The following PRKCE variants were observed in gnomAD, a reference collection of about 807,000 sequenced individuals.
PRKCE encodes the protein protein kinase C epsilon type.
PRKCE carries 16 observed loss-of-function variants against 85.4 expected under a neutral mutation model. That is an observed-to-expected ratio of 0.19 (90% confidence interval 0.13 to 0.28). The LOEUF is 0.28. Among genes scored for constraint, PRKCE ranks in the 10% least tolerant of loss-of-function variants. The pLI is 1.00. For missense variants in PRKCE, 573 were observed against 975.2 expected, an observed-to-expected ratio of 0.59 and a Z score of 5.49; for synonymous variants, 388 against 371.5, an observed-to-expected ratio of 1.04 and a Z score of -0.51.
At chr2:45,956,336 C>G (rs1222656508) in intron 2 of PRKCE, among the ~76,000 whole-genome samples, 2 of 152,004 alleles carry the variant, frequency 1.3e-5, no homozygotes, top group South Asian at 4.2e-4. Flanking sequence ...GAATAAATAT[C>G]TGGAAGTAAG....
At chr2:46,174,785 A>G (rs1216467885) in intron 14 of PRKCE, among the ~76,000 whole-genome samples, 9 of 151,930 alleles carry the variant, frequency 5.9e-5, no homozygotes, top group Admixed American at 5.9e-4. Context: ...TACCTCCTGG[A>G]CTCAAGCCAA....
chr2:45,884,545 G>T (rs986072390), intron 2 of PRKCE, among the ~76,000 whole-genome samples: 3 of 152,048 alleles, frequency 2.0e-5, no homozygotes, highest in Admixed American at 6.5e-5. Context: ...GTCTTGTCTC[G>T]ACACCTACGA....
chr2:46,092,564 A>G (rs1457621013), intron 11 of PRKCE, among the ~76,000 whole-genome samples: 2 of 152,230 alleles, frequency 1.3e-5, no homozygotes, highest in African/African-American at 4.8e-5. Context: ...AAGAATCAAG[A>G]GCAAGGAACA....
chr2:45,706,464 G>A (rs763426037), intron 1 of PRKCE, among the ~76,000 whole-genome samples: 2 of 152,112 alleles, frequency 1.3e-5, no homozygotes, highest in East Asian at 3.8e-4. Flanking sequence ...CTCCCAGGTC[G>A]GAGGAACTTG....
chr2:45,991,341 T>C (rs35979078), intron 6 of PRKCE, among the ~76,000 whole-genome samples: 28,964 of 151,698 alleles, frequency 0.19, 3,100 homozygotes, highest in African/African-American at 0.29. Flanking sequence ...CCAATCCAAA[T>C]ACAAGGTCCA....
At chr2:45,782,317 A>C (rs1485155017) in intron 1 of PRKCE, among the ~76,000 whole-genome samples, 2 of 152,130 alleles carry the variant, frequency 1.3e-5, no homozygotes, top group Admixed American at 1.3e-4. Flanking sequence ...GGGAGGCAGT[A>C]TGGTGTCACA....
chr2:45,852,241 G>T (rs1692327001), intron 2 of PRKCE, among the ~76,000 whole-genome samples: 1 of 152,186 alleles, frequency 6.6e-6, no homozygotes. Flanking sequence ...ATTGAAAATA[G>T]TGGTGATGTT....
intron 2 of PRKCE, chr2:45,851,802 T>A (rs1692284893): frequency 6.6e-6 from 1 of 152,148 alleles, no homozygotes; most frequent in Non-Finnish European, 1.5e-5. Flanking sequence ...CAAAGAATGC[T>A]CTCCGTTCAT....
chr2:45,662,093 C>G (rs1023369808), intron 1 of PRKCE, among the ~76,000 whole-genome samples: 2 of 152,124 alleles, frequency 1.3e-5, no homozygotes, highest in African/African-American at 4.8e-5. Flanking sequence ...ATCAGACTGA[C>G]TGAGTCTGTG....
chr2:45,652,301 C>A lies in PRKCE; in HGVS notation c.201C>A (p.Asp67Glu), dbSNP rs370692952. The A allele has an allele frequency of 6.2e-7, 1 of 1,613,708 alleles. No individual in the cohort carries two copies. Among genetic ancestry groups the A allele is most frequent in the East Asian group, 2.2e-5 (1 of 44,818 alleles). ...KQKTNSPAWHDEFVTDVCNGR... is the reference protein window; with the variant it reads ...KQKTNSPAWHEEFVTDVCNGR... ...AGACCAACAGCCCGGCCTGGCACGA[C>A]GAGTTCGTCACCGATGTGTGCAACG... Residue 67 changes from aspartate (D) to glutamate (E), a missense_variant, in exon 1 of 15, where the codon GAC (aspartate) becomes GAA (glutamate). Transcript: ENST00000306156. The surrounding 1 kb of genome is among the most constrained non-coding windows in gnomAD (Gnocchi z 7.7).
chr2:46,037,201 C>T (rs998539840), intron 10 of PRKCE, among the ~76,000 whole-genome samples: 1 of 152,228 alleles, frequency 6.6e-6, no homozygotes, highest in Non-Finnish European at 1.5e-5. Flanking sequence ...AATTCTCTTT[C>T]CGCCTTTCTG....
chr2:46,002,221 G>C (rs61756881), intron 7 of PRKCE, among the ~76,000 whole-genome samples: 197 of 152,330 alleles, frequency 1.3e-3, no homozygotes, highest in African/African-American at 4.6e-3. Context: ...CTTTAGCCCT[G>C]GCTCCTAGCC....
chr2:45,968,864 G>A (rs1189906657), intron 2 of PRKCE, among the ~76,000 whole-genome samples: 1 of 151,954 alleles, frequency 6.6e-6, no homozygotes, highest in Non-Finnish European at 1.5e-5. Flanking sequence ...GGTGCCAGGG[G>A]CCATCTCTCC....
In PRKCE at chr2:45,881,571, A is replaced by G. The variant is rs752522807; in HGVS notation, c.412+38508A>G. Among the ~76,000 whole-genome samples, 25 of 152,228 alleles carry G rather than the reference A, an allele frequency of 1.6e-4. 1 individual carries two copies. The highest frequency in any genetic ancestry group is 4.6e-4 in the Admixed American group (7 of 15,286). ...AAATCATATAAAAGCCAACTCTTAC[A>G]TAGTGCTTACTATTCCCCAAGAAGG... On this transcript the variant is annotated intron_variant, in intron 2 of 14. Transcript: ENST00000306156.
chr2:45,659,878 C>A lies in PRKCE; in HGVS notation c.348+7430C>A, dbSNP rs1486286324. Among the ~76,000 whole-genome samples, 3 of 149,486 alleles carry A rather than the reference C, an allele frequency of 2.0e-5. No individual in the cohort carries two copies. The East Asian group carries it at 5.8e-4, about 29-fold the overall frequency. The stretch of plus-strand genomic sequence containing the variant: ...TCTTTACTCTTACCTCTATCTGATA[C>A]GCTATTTAGTTTTCTTATTTATCTT... On this transcript the variant is annotated intron_variant, in intron 1 of 14. Transcript: ENST00000306156.
chr2:46,018,351 C>T (rs1052227173), intron 10 of PRKCE, among the ~76,000 whole-genome samples: 12 of 152,230 alleles, frequency 7.9e-5, no homozygotes, highest in Middle Eastern at 3.4e-3. Context: ...GTAGGAGTCC[C>T]GGCCTTGTGA....
rs957182859 is a variant in PRKCE at position 46,139,990 on chromosome 2, G to A, written c.1593-5103G>A. On this transcript the variant is annotated intron_variant, in intron 11 of 14. Transcript: ENST00000306156. The surrounding 1 kb of genome is among the most constrained non-coding windows in gnomAD (Gnocchi z 5.2). Reference sequence around the variant, plus strand: ...GACAACCAGAAATCTGCCATAAAATGTCATAAGAAATTTATAAGATCTATA... The same window carrying A: ...GACAACCAGAAATCTGCCATAAAATATCATAAGAAATTTATAAGATCTATA... Among the ~76,000 whole-genome samples the A allele has an allele frequency of 1.3e-5, 2 of 152,042 alleles. No homozygotes were observed. The highest frequency in any genetic ancestry group is 2.4e-5 in the African/African-American group (1 of 41,396).
At chr2:45,726,337 A>T (rs1341287905) in intron 1 of PRKCE, among the ~76,000 whole-genome samples, 1 of 152,198 alleles carries the variant, frequency 6.6e-6, no homozygotes, top group African/African-American at 2.4e-5. Context: ...TCATTGTCTT[A>T]TTTTAAGAAA....
chr2:46,134,017 G>A lies in PRKCE; in HGVS notation c.1593-11076G>A, dbSNP rs188419743. On this transcript the variant is annotated intron_variant, in intron 11 of 14. Coordinates refer to ENST00000306156, the MANE Select transcript of PRKCE (RefSeq NM_005400.3). ...TCTTCCTGAGTATAATAGGGAGAATGGGTTGGAGAGTGCAAGAGAATGTTG... is the reference window on the plus strand; with the variant it reads ...TCTTCCTGAGTATAATAGGGAGAATAGGTTGGAGAGTGCAAGAGAATGTTG... Among the ~76,000 whole-genome samples the A allele has an allele frequency of 1.2e-3, 185 of 152,338 alleles. 1 individual carries two copies. The highest frequency in any genetic ancestry group is 6.8e-3 in the Middle Eastern group (2 of 294).
Sources: gnomAD v4.1 joint callset for allele counts (sites outside exome capture counted in the v4.1 genomes callset) on GRCh38, gnomAD v4.1.1 for gene constraint, Gnocchi (gnomAD v3.1) non-coding constraint, MANE v1.5 for transcripts, NCBI Gene and HGNC (gene_info 2026-07-23, HGNC 2026-07-21) for gene names.